Variants in B4GALT6 observed in about 807,000 individuals in gnomAD.
B4GALT6 encodes beta-1,4-galactosyltransferase 6.
In B4GALT6, 14 loss-of-function variants were observed where a neutral mutation model predicts 46.3. That is an observed-to-expected ratio of 0.30 (90% CI 0.20 to 0.47). The LOEUF (loss-of-function observed/expected upper bound fraction) is 0.47. Ranked by LOEUF, B4GALT6 falls within the 20% of genes least tolerant of loss-of-function variation. The pLI, the probability that B4GALT6 is intolerant of heterozygous loss-of-function variation, is 0.99. For missense variants in B4GALT6, 386 were observed against 480.1 expected (o/e 0.80, Z 1.83); for synonymous variants, 168 against 162.0 (o/e 1.04, Z -0.28).
chr18:31,683,915 A>C (rs2074510496), intron 1 of B4GALT6, among the ~76,000 whole-genome samples: 1 of 152,184 alleles, frequency 6.6e-6, no homozygotes, highest in Admixed American at 6.5e-5. Flanking sequence ...CCATATTTTT[A>C]CAACCAGTTA....
chr18:31,654,671 C>G (rs2144632012), intron 3 of B4GALT6, among the ~76,000 whole-genome samples: 1 of 152,198 alleles, frequency 6.6e-6, no homozygotes, highest in Middle Eastern at 3.4e-3. Flanking sequence ...ATCAAATACA[C>G]CAGTGTTAAG....
chr18:31,686,901 C>T (rs1299925232), upstream of B4GALT6: 2 of 152,174 alleles, frequency 1.3e-5, no homozygotes, highest in African/African-American at 4.8e-5. Flanking sequence ...CCTTTGCTGA[C>T]CTAGTGGTAG....
chr18:31,635,680 T>C (rs558157674), intron 5 of B4GALT6, among the ~76,000 whole-genome samples: 74 of 152,226 alleles, frequency 4.9e-4, no homozygotes, highest in Admixed American at 1.2e-3. Flanking sequence ...AAGCCAGGCA[T>C]GATGGTGGGT....
At chr18:31,714,329 G>T in the B4GALT6 span, among the ~76,000 whole-genome samples, 2 of 152,168 alleles carry the variant, frequency 1.3e-5, no homozygotes, top group African/African-American at 4.8e-5. Flanking sequence ...CCTCCATCAT[G>T]ATCACCAGCT....
At chr18:31,705,067 A>G in the B4GALT6 span, among the ~76,000 whole-genome samples, 2 of 152,210 alleles carry the variant, frequency 1.3e-5, no homozygotes, top group Non-Finnish European at 2.9e-5. Flanking sequence ...TAAATATGAA[A>G]CTAGACAGAT....
the B4GALT6 span, among the ~76,000 whole-genome samples, chr18:31,694,471 A>G: frequency 6.6e-6 from 1 of 152,218 alleles, no homozygotes; most frequent in African/African-American, 2.4e-5. Context: ...CTTCAGGACA[A>G]TGGAGCACTA....
At chr18:31,673,123 G>A (rs978483650) in intron 1 of B4GALT6, among the ~76,000 whole-genome samples, 17 of 152,278 alleles carry the variant, frequency 1.1e-4, no homozygotes, top group Non-Finnish European at 2.4e-4. Context: ...AGAAGCAAGA[G>A]GAAGGAGAAA....
intron 3 of B4GALT6, among the ~76,000 whole-genome samples, chr18:31,647,817 A>C (rs1015799439): frequency 2.0e-5 from 3 of 152,128 alleles, no homozygotes; most frequent in South Asian, 4.1e-4. Flanking sequence ...CTGCAGATAA[A>C]CTAATGATGG....
Position 31,622,891 on chromosome 18 carries a change from T to C in B4GALT6, c.*2723A>G, listed in dbSNP as rs984950228. On this transcript the variant is annotated 3_prime_UTR_variant, in exon 9 of 9. Transcript: ENST00000306851. ...GCCCATTAGTCATTACTTCTTTCTGTAGTTGAAAAGCACCATGTAATTTTC... is the reference window on the plus strand; with the variant it reads ...GCCCATTAGTCATTACTTCTTTCTGCAGTTGAAAAGCACCATGTAATTTTC... 8 of 152,204 alleles carry C rather than the reference T, an allele frequency of 5.3e-5. No homozygotes were observed. The highest frequency in any genetic ancestry group is 1.9e-4 in the African/African-American group (8 of 41,570). 9.4% of individuals were successfully genotyped at this position (152,204 alleles called of 1,614,324 possible).
upstream of B4GALT6, among the ~76,000 whole-genome samples, chr18:31,688,265 A>C (rs2144773546): frequency 6.7e-6 from 1 of 150,164 alleles, no homozygotes; most frequent in African/African-American, 2.4e-5. Flanking sequence ...ATATACATAT[A>C]TATATATACA....
At position 31,680,218 on chromosome 18, in the gene B4GALT6, C is replaced by T. The variant is rs562832695; in HGVS notation, c.115+4094G>A. On this transcript the variant is annotated intron_variant, in intron 1 of 8. Coordinates refer to ENST00000306851, the MANE Select transcript of B4GALT6 (RefSeq NM_004775.5). ...CCTTTGAAACAAAGCAGACTATTAA[C>T]AGCTCCAAAGAACACAGCCAGGCCC... Among the ~76,000 whole-genome samples the T allele has an allele frequency of 1.6e-4, 25 of 152,298 alleles. No homozygotes were observed. In the South Asian group the frequency reaches 5.0e-3, roughly 30 times the overall value.
chr18:31,637,838 T>C (rs2073879108), intron 5 of B4GALT6, among the ~76,000 whole-genome samples: 1 of 152,230 alleles, frequency 6.6e-6, no homozygotes, highest in Non-Finnish European at 1.5e-5. Flanking sequence ...TGGTATAATT[T>C]AGAAAAGAAC....
intron 3 of B4GALT6, among the ~76,000 whole-genome samples, chr18:31,649,252 T>C (rs767856303): frequency 2.0e-5 from 3 of 152,184 alleles, no homozygotes; most frequent in Admixed American, 6.6e-5. Context: ...AACCTCTGCT[T>C]AACAAACGAT....
At chr18:31,631,511 CAT>C (rs2073791220) in intron 5 of B4GALT6, among the ~76,000 whole-genome samples, 1 of 151,820 alleles carries the variant, frequency 6.6e-6, no homozygotes. Context: ...AATTTAATAA[CAT>C]AGAAGAAAAC....
chr18:31,688,247 GTATATATATATACA>G (rs1446391049), upstream of B4GALT6, among the ~76,000 whole-genome samples: 3 of 106,466 alleles, frequency 2.8e-5, no homozygotes, highest in South Asian at 2.6e-4. Flanking sequence ...ATAATTGAGT[GTATATATATATACA>G]TATATATATA....
intron 4 of B4GALT6, among the ~76,000 whole-genome samples, chr18:31,645,122 C>T (rs1033575159): frequency 1.3e-5 from 2 of 152,150 alleles, no homozygotes; most frequent in African/African-American, 4.8e-5. Flanking sequence ...ACCAGGAACT[C>T]AAAGAGAATG....
At chr18:31,654,255 C>A (rs1486071529) in intron 3 of B4GALT6, among the ~76,000 whole-genome samples, 1 of 152,202 alleles carries the variant, frequency 6.6e-6, no homozygotes, top group Non-Finnish European at 1.5e-5. Context: ...ATGCAATTGA[C>A]ATTTTCCATT....
chr18:31,626,848 A>G (rs1195608513), intron 7 of B4GALT6, 151 bp downstream of exon 7: 1 of 593,998 alleles, frequency 1.7e-6, no homozygotes, highest in East Asian at 3.8e-5. Flanking sequence ...AGACTTAATG[A>G]AAAAAAAAGA....
At chr18:31,684,913 C>T (rs559959098), upstream of B4GALT6, among the ~76,000 whole-genome samples, 2 of 149,312 alleles carry the variant, frequency 1.3e-5, no homozygotes, top group African/African-American at 4.9e-5. Flanking sequence ...CCGGGCCGCC[C>T]GCGTCCGCTC....
Sources: gnomAD v4.1 joint callset for allele counts (sites outside exome capture counted in the v4.1 genomes callset) on GRCh38, gnomAD v4.1.1 for gene constraint, MANE v1.5 for transcripts, NCBI Gene and HGNC (gene_info 2026-07-23, HGNC 2026-07-21) for gene names.